PDE4D: variants seen among roughly 807,000 people sequenced by gnomAD.
PDE4D encodes the protein phosphodiesterase 4D.
In PDE4D, 24 loss-of-function variants were observed where a neutral mutation model predicts 87.4. The observed-to-expected ratio is 0.27, with a 90% confidence interval of 0.20 to 0.39. PDE4D has a LOEUF of 0.39. PDE4D is among the 10% of genes least tolerant of loss of function. The probability of loss-of-function intolerance (pLI) is 1.00; values close to 1 mark genes in which losing one functional copy is unlikely to be tolerated. For synonymous variants in PDE4D, 384 were observed against 383.2 expected, an observed-to-expected ratio of 1.00 and a Z score of -0.02; for missense variants, 714 against 1,041.0, an observed-to-expected ratio of 0.69 and a Z score of 4.32.
chr5:59,948,328 G>T (rs377153737), intron 3 of PDE4D, among the ~76,000 whole-genome samples: 1 of 152,276 alleles, frequency 6.6e-6, no homozygotes, highest in South Asian at 2.1e-4. Context: ...TGGTGATTGA[G>T]TAATGCCATA....
At chr5:60,186,558 C>T (rs1029058786) in intron 1 of PDE4D, among the ~76,000 whole-genome samples, 7 of 152,078 alleles carry the variant, frequency 4.6e-5, no homozygotes, top group Non-Finnish European at 1.0e-4. Context: ...AAAGAACTTA[C>T]TGTAAGGGAA....
intron 1 of PDE4D, among the ~76,000 whole-genome samples, chr5:59,872,723 C>CA (rs1748005312): frequency 6.6e-6 from 1 of 151,888 alleles, no homozygotes; most frequent in Non-Finnish European, 1.5e-5. Flanking sequence ...ATTTAAATAC[C>CA]AAAAAGTTAA....
intron 1 of PDE4D, among the ~76,000 whole-genome samples, chr5:60,337,572 T>C (rs914798563): frequency 1.3e-5 from 2 of 151,856 alleles, no homozygotes; most frequent in East Asian, 3.9e-4. Flanking sequence ...TATAGAACTC[T>C]ACAATAAAAG....
chr5:59,082,180 T>C (rs1254847592), intron 5 of PDE4D, among the ~76,000 whole-genome samples: 1 of 152,154 alleles, frequency 6.6e-6, no homozygotes, highest in African/African-American at 2.4e-5. Flanking sequence ...ATCACACTTA[T>C]TAAAGAGTTG....
intron 1 of PDE4D, among the ~76,000 whole-genome samples, chr5:59,324,800 T>TA (rs1480148447): frequency 6.6e-6 from 1 of 152,154 alleles, no homozygotes; most frequent in East Asian, 1.9e-4. Context: ...TTCTGGCAGT[T>TA]ACAGCTGCAA....
At chr5:60,330,246 T>C (rs1317117622) in intron 1 of PDE4D, among the ~76,000 whole-genome samples, 1 of 152,200 alleles carries the variant, frequency 6.6e-6, no homozygotes. Flanking sequence ...AAAAATTCAT[T>C]AAGTATTCTA....
At chr5:59,421,987 C>G (rs112770002) in intron 1 of PDE4D, among the ~76,000 whole-genome samples, 1 of 151,966 alleles carries the variant, frequency 6.6e-6, no homozygotes, top group South Asian at 2.1e-4. Flanking sequence ...TATGATTGAA[C>G]GTGGGAGGAA....
intron 2 of PDE4D, among the ~76,000 whole-genome samples, chr5:60,150,006 T>TTA (rs954828375): frequency 6.8e-6 from 1 of 147,140 alleles, no homozygotes; most frequent in Non-Finnish European, 1.5e-5. Flanking sequence ...GTGTATATAA[T>TTA]TATATATATT....
intron 2 of PDE4D, among the ~76,000 whole-genome samples, chr5:60,131,889 C>T (rs1333272959): frequency 6.6e-6 from 1 of 152,142 alleles, no homozygotes; most frequent in Non-Finnish European, 1.5e-5. Context: ...GCCTTGTTAG[C>T]TTCTGCCATG....
At chr5:59,981,817 G>C (rs1244204657) in intron 3 of PDE4D, among the ~76,000 whole-genome samples, 1 of 152,146 alleles carries the variant, frequency 6.6e-6, no homozygotes, top group Non-Finnish European at 1.5e-5. Flanking sequence ...AAATTTGAAA[G>C]ATCAGATGTG....
intron 1 of PDE4D, among the ~76,000 whole-genome samples, chr5:60,261,214 T>G (rs2149703968): frequency 6.6e-6 from 1 of 152,294 alleles, no homozygotes; most frequent in East Asian, 1.9e-4. Flanking sequence ...TACCATTTCT[T>G]GATCAAATTA....
At chr5:59,583,941 A>T (rs1015577069) in intron 1 of PDE4D, among the ~76,000 whole-genome samples, 2 of 152,240 alleles carry the variant, frequency 1.3e-5, no homozygotes, top group African/African-American at 4.8e-5. Context: ...GGCTCGTGAA[A>T]CCAAAGCACA....
rs554220757 is a variant in PDE4D at position 59,568,557 on chromosome 5, C to T, written c.455+324611G>A. Among the ~76,000 whole-genome samples, 5 of 152,108 alleles carry T rather than the reference C, an allele frequency of 3.3e-5. No homozygotes were observed. The South Asian group carries it at 6.2e-4, about 19-fold the overall frequency. ...TGGAAAAACCTGACCAAATCCACCT[C>T]GATCAGGTGATCAAGGTTAACATCT... On this transcript the variant is annotated intron_variant, in intron 1 of 14. Coordinates refer to ENST00000340635, the MANE Select transcript of PDE4D (RefSeq NM_001104631.2).
intron 1 of PDE4D, among the ~76,000 whole-genome samples, chr5:59,219,744 G>A (rs1581443534): frequency 6.6e-6 from 1 of 152,170 alleles, no homozygotes; most frequent in African/African-American, 2.4e-5. Context: ...ACTAAAACAC[G>A]AAATTGTATT....
At position 59,430,307 on chromosome 5, in the gene PDE4D, G is replaced by T. The variant is rs1289504166; in HGVS notation, c.456-214339C>A. On this transcript the variant is annotated intron_variant, in intron 1 of 14. Transcript: ENST00000340635. Reference sequence around the variant, plus strand: ...GAAAGCAGTTACCGTCTCCTCTGTGGCTTAATATCAATTGGCATGTTGATC... The same window carrying T: ...GAAAGCAGTTACCGTCTCCTCTGTGTCTTAATATCAATTGGCATGTTGATC... 5.7e-6 allele frequency: 7 copies of T among 1,231,126 alleles called. No homozygotes were observed. The African/African-American group carries it at 9.3e-5, about 16-fold the overall frequency. The allele number at this position is 1,231,126 out of a possible 1,614,324, so 76.3% of individuals were successfully genotyped here.
In PDE4D at chr5:59,649,902, A is replaced by ATTTTTTTTTTTTTT. The variant is rs1743089593; in HGVS notation, c.455+243265_455+243266insAAAAAAAAAAAAAA. 4.6e-5 allele frequency among the ~76,000 whole-genome samples: 2 copies of ATTTTTTTTTTTTTT among 43,794 alleles called. 1 individual carries two copies. Among genetic ancestry groups the ATTTTTTTTTTTTTT allele is most frequent in the Non-Finnish European group, 8.4e-5 (2 of 23,892 alleles). The allele number at this position is 43,794 out of a possible 152,430, so 28.7% of individuals were successfully genotyped here. ...ATTGTTAAAATGTTGATAGTTTGTG[A>ATTTTTTTTTTTTTT]ACCTTTTTTTTTTTTTTTTTTTTTT... On this transcript the variant is annotated intron_variant, in intron 1 of 14. Coordinates refer to ENST00000340635, the MANE Select transcript of PDE4D (RefSeq NM_001104631.2).
intron 1 of PDE4D, among the ~76,000 whole-genome samples, chr5:59,870,791 T>C (rs1747715842): frequency 6.6e-6 from 1 of 152,148 alleles, no homozygotes; most frequent in South Asian, 2.1e-4. Flanking sequence ...ATTTAGTGCT[T>C]TCTTGGCTAC....
intron 1 of PDE4D, among the ~76,000 whole-genome samples, chr5:60,270,321 G>A (rs1017889581): frequency 3.9e-5 from 6 of 152,114 alleles, no homozygotes; most frequent in Non-Finnish European, 7.4e-5. Context: ...AGGAGACAAG[G>A]GAACCCGTTG....
rs1056479475 is a variant in PDE4D, at chr5:59,090,227, A to G, written c.809-51256T>C. 5.3e-5 allele frequency among the ~76,000 whole-genome samples: 8 copies of G among 152,062 alleles called. No individual in the cohort carries two copies. In the East Asian group the frequency reaches 1.5e-3, roughly 29 times the overall value. On this transcript the variant is annotated intron_variant, in intron 5 of 14. Transcript: ENST00000340635. ...ATATCTTTCTTTTGAAAAACAAACA[A>G]ACACTTCATGTTCTAGCCAGTTGCT...
Sources: gnomAD v4.1 joint callset for allele counts (sites outside exome capture counted in the v4.1 genomes callset) on GRCh38, gnomAD v4.1.1 for gene constraint, MANE v1.5 for transcripts, NCBI Gene and HGNC (gene_info 2026-07-23, HGNC 2026-07-21) for gene names.